PCNA: variants seen among roughly 807,000 people sequenced by gnomAD.
The protein encoded by PCNA is DNA sliding clamp PCNA.
Under a neutral mutation model 27.8 loss-of-function variants are expected in PCNA, and 4 were observed. The observed-to-expected ratio is 0.14, with a 90% CI of 0.07 to 0.33. The LOEUF is 0.33. Ranked by LOEUF, PCNA falls within the 10% of genes least tolerant of loss-of-function variation. PCNA has a pLI of 1.00. For missense variants in PCNA, 165 were observed against 327.4 expected, an observed-to-expected ratio of 0.50 and a Z score of 3.83; for synonymous variants, 121 against 119.4, an observed-to-expected ratio of 1.01 and a Z score of -0.09.
intron 4 of PCNA, among the ~76,000 whole-genome samples, chr20:5,116,742 T>C (rs550593017): frequency 6.6e-6 from 1 of 152,294 alleles, no homozygotes; most frequent in East Asian, 1.9e-4. Flanking sequence ...AACCTCCGCC[T>C]CCTCGGTTCA....
At chr20:5,119,421 C>T (rs2090499939) in intron 1 of PCNA, among the ~76,000 whole-genome samples, 157 bp downstream of exon 1, 2 of 152,262 alleles carry the variant, frequency 1.3e-5, no homozygotes, top group South Asian at 4.1e-4. Flanking sequence ...TTTTCCGAAC[C>T]GCGCGCTCAG....
At chr20:5,116,824 T>C (rs2090478686) in intron 4 of PCNA, among the ~76,000 whole-genome samples, 1 of 152,312 alleles carries the variant, frequency 6.6e-6, no homozygotes, top group Non-Finnish European at 1.5e-5. Flanking sequence ...GGCTAATTTT[T>C]ATATTTTTAG....
chr20:5,124,072 GAAATGT>G (rs753205825), upstream of PCNA, among the ~76,000 whole-genome samples: 2 of 152,142 alleles, frequency 1.3e-5, no homozygotes, highest in Non-Finnish European at 2.9e-5. Flanking sequence ...AATAAGCAAA[GAAATGT>G]AAATTCAATG....
intron 1 of PCNA, among the ~76,000 whole-genome samples, chr20:5,126,104 C>G (rs1019721020): frequency 2.6e-5 from 4 of 152,082 alleles, no homozygotes; most frequent in Non-Finnish European, 4.4e-5. Flanking sequence ...CGTGGTGGCG[C>G]GCACCTTGGA....
At position 5,119,569 on chromosome 20, in the gene PCNA, G is replaced by T. The variant is rs1450105029; in HGVS notation, c.221+9C>A. 2 of 1,606,382 alleles carry T rather than the reference G, an allele frequency of 1.2e-6. No individual in the cohort carries two copies. The highest frequency in any genetic ancestry group is 2.2e-5 in the South Asian group (2 of 90,302). ...GCCGGGGCCGGCTTCCCGGGGCCGC[G>T]AGGCTCACCTGGTGAGGTTCACGCC... On this transcript the variant is annotated intron_variant, in intron 1 of 5. Transcript: ENST00000379143.
In PCNA at chr20:5,115,551, G is replaced by T; in HGVS notation, c.604C>A (p.Pro202Thr). ...CTCAGTGCAAAAGTTAGTTGAACTG[G>T]TTCATTCATCTCTATGGTAACCTAC... ...EEAVTIEMNE[P>T]VQLTFALRYL... Residue 202 changes from proline (P) to threonine (T), a missense_variant, in exon 5 of 6, where the codon CCA becomes ACA. Coordinates refer to ENST00000379143, the MANE Select transcript of PCNA (RefSeq NM_182649.2). 6.2e-7 allele frequency: 1 copy of T among 1,613,686 alleles called. No homozygotes were observed. The highest frequency in any genetic ancestry group is 8.5e-7 in the Non-Finnish European group (1 of 1,179,682).
upstream of PCNA, among the ~76,000 whole-genome samples, chr20:5,122,406 G>A (rs1179730223): frequency 1.3e-5 from 2 of 152,220 alleles, no homozygotes. Flanking sequence ...CACTCAGTTA[G>A]TTGCTGATTC....
rs1329634779 is a variant in PCNA, at chr20:5,115,355, C to T, written c.714G>A (p.Glu238=). Residue 238 remains glutamate, a synonymous_variant, in exon 6 of 6, where the codon GAG becomes GAA. Transcript: ENST00000379143. ...AGTGTCCCATATCCGCAATTTTATA[C>T]TCTACAACTGAAAGACAGGAAGATG... ...SMSADVPLVV[E]YKIADMGHLK... is the part of the protein sequence containing the mutation. 6.2e-7 allele frequency: 1 copy of T among 1,613,890 alleles called. No homozygotes were observed. The highest frequency in any genetic ancestry group is 8.5e-7 in the Non-Finnish European group (1 of 1,179,836).
chr20:5,115,167 T>C lies in PCNA; in HGVS notation c.*116A>G, dbSNP rs535170945. On this transcript the variant is annotated 3_prime_UTR_variant, in exon 6 of 6. Coordinates refer to ENST00000379143, the MANE Select transcript of PCNA (RefSeq NM_182649.2). ...AATAGGTTATTTACAGAAAACAATA[T>C]CTACATATGTACTTAGAGGTACAAA... 3.0e-6 allele frequency: 2 copies of C among 663,252 alleles called. No individual in the cohort carries two copies. Among genetic ancestry groups the C allele is most frequent in the Non-Finnish European group, 5.2e-6 (2 of 383,714 alleles). 41.1% of individuals were successfully genotyped at this position (663,252 alleles called of 1,614,324 possible). A position where few individuals can be genotyped will look rare whatever the true frequency, so the allele number is the denominator to read the frequency against.
At chr20:5,123,813 C>T (rs947242948), upstream of PCNA, among the ~76,000 whole-genome samples, 1 of 151,942 alleles carries the variant, frequency 6.6e-6, no homozygotes, top group Admixed American at 6.6e-5. Context: ...TTTATGAGAT[C>T]TTCCTATGGG....
intron 3 of PCNA, among the ~76,000 whole-genome samples, chr20:5,118,155 C>T (rs1224905874): frequency 1.3e-5 from 2 of 152,204 alleles, no homozygotes; most frequent in African/African-American, 4.8e-5. Flanking sequence ...TGGCAGTAAA[C>T]AATAAATTTA....
upstream of PCNA, among the ~76,000 whole-genome samples, chr20:5,122,049 T>G (rs111544944): frequency 1.3e-5 from 2 of 152,096 alleles, no homozygotes; most frequent in African/African-American, 4.8e-5. Flanking sequence ...TGGTGTGATC[T>G]TGGCTAACCG....
At chr20:5,119,964 C>A (rs542090977), upstream of PCNA, 2 of 618,354 alleles carry the variant, frequency 3.2e-6, no homozygotes, top group African/African-American at 1.8e-5. Flanking sequence ...TTAATGCCGC[C>A]GCGTCCGCAA....
upstream of PCNA, among the ~76,000 whole-genome samples, chr20:5,122,836 A>G (rs2090525624): frequency 6.6e-6 from 1 of 152,258 alleles, no homozygotes; most frequent in African/African-American, 2.4e-5. Flanking sequence ...ATTTTAAATG[A>G]CAAACTCTAT....
At position 5,115,453 on chromosome 20, in the gene PCNA, G is replaced by C. The variant is rs17353; in HGVS notation, c.702C>G (p.Pro234=). ...GGTTCAAATTTATTATCTTACCAAG[G>C]GGTACATCTGCAGACATACTGAGTG... The part of the protein sequence containing the change: ...TVTLSMSADV[P]LVVEYKIADM... The change falls in exon 5 of 6, where the codon CCC becomes CCG. Residue 234 remains proline, a synonymous_variant. Coordinates refer to ENST00000379143, the MANE Select transcript of PCNA (RefSeq NM_182649.2). 2.8e-3 allele frequency: 4,475 copies of C among 1,613,998 alleles called. 30 individuals carry two copies. Among genetic ancestry groups the C allele is most frequent in the South Asian group, 0.013 (1,140 of 91,060 alleles).
chr20:5,115,175 T>C lies in PCNA; in HGVS notation c.*108A>G. ...ATTTACAGAAAACAATATCTACATA[T>C]GTACTTAGAGGTACAAATTTGGTGA... On this transcript the variant is annotated 3_prime_UTR_variant, in exon 6 of 6. Coordinates refer to ENST00000379143, the MANE Select transcript of PCNA (RefSeq NM_182649.2). 2.8e-6 allele frequency: 2 copies of C among 717,274 alleles called. No individual in the cohort carries two copies. 44.4% of individuals were successfully genotyped at this position (717,274 alleles called of 1,614,324 possible).
chr20:5,117,385 TCTA>T lies in PCNA; in HGVS notation c.582+82_582+84del, dbSNP rs1156787405. On this transcript the variant is annotated intron_variant, in intron 4 of 5. Coordinates refer to ENST00000379143, the MANE Select transcript of PCNA (RefSeq NM_182649.2). ...AGAAATTACTTGGGATCCAATTCTG[TCTA>T]CTTTTAATTTTAGCAATTAACCTAA... is the stretch of plus-strand genomic sequence containing the variant. 1.1e-5 allele frequency: 10 copies of T among 918,564 alleles called. No individual in the cohort carries two copies. In the African/African-American group the frequency reaches 1.5e-4, roughly 14 times the overall value. 56.9% of individuals were successfully genotyped at this position (918,564 alleles called of 1,614,324 possible). A position where few individuals can be genotyped will look rare whatever the true frequency, so the allele number is the denominator to read the frequency against.
upstream of PCNA, among the ~76,000 whole-genome samples, chr20:5,122,539 G>A (rs1476536219): frequency 1.3e-5 from 2 of 152,160 alleles, no homozygotes; most frequent in Non-Finnish European, 2.9e-5. Flanking sequence ...TCATTTGTAA[G>A]TTTTGATGTT....
At chr20:5,123,463 G>A (rs2090528259), upstream of PCNA, among the ~76,000 whole-genome samples, 1 of 152,194 alleles carries the variant, frequency 6.6e-6, no homozygotes, top group Non-Finnish European at 1.5e-5. Flanking sequence ...GGGAGGCTGA[G>A]GTAGGTGGAT....
Sources: allele counts gnomAD v4.1 joint callset (sites outside exome capture counted in the v4.1 genomes callset), GRCh38; gene constraint gnomAD v4.1.1; transcripts MANE v1.5; gene names NCBI Gene and HGNC (gene_info 2026-07-23, HGNC 2026-07-21).